CGNL1: variants seen among roughly 807,000 people sequenced by gnomAD.
The protein encoded by CGNL1 is cingulin like 1.
Under a neutral mutation model 141.2 loss-of-function variants are expected in CGNL1, and 132 were observed. The ratio of observed to expected loss-of-function variants is 0.93; its 90% CI spans 0.81 to 1.08. The LOEUF is 1.08. Among genes scored for constraint, CGNL1 ranks in the 50% least tolerant of loss-of-function variants. CGNL1 has a pLI of 0.00. For synonymous variants in CGNL1, 690 were observed against 622.1 expected (o/e 1.11, Z -1.63); for missense variants, 1,870 against 1,588.6 (o/e 1.18, Z -3.01).
intron 1 of CGNL1, among the ~76,000 whole-genome samples, chr15:57,383,292 C>CTTTTTTTTTTTTT (rs59213732): frequency 0.016 from 1,764 of 109,116 alleles, 99 homozygotes; most frequent in African/African-American, 0.062. Context: ...TTCTTTCTTC[C>CTTTTTTTTTTTTT]TTTTTTTTTT....
At chr15:57,478,463 A>G (rs1467561004) in intron 8 of CGNL1, 1 of 152,246 alleles carries the variant, frequency 6.6e-6, no homozygotes, top group Non-Finnish European at 1.5e-5. Flanking sequence ...CTCCTTCTGG[A>G]AGGCACTTTA....
intron 1 of CGNL1, among the ~76,000 whole-genome samples, chr15:57,436,783 A>G (rs958627998): frequency 1.3e-5 from 2 of 152,198 alleles, no homozygotes; most frequent in Non-Finnish European, 1.5e-5. Flanking sequence ...CTTTAGGGAA[A>G]CAATTTAAAA....
At chr15:57,385,053 C>G (rs1183809002) in intron 1 of CGNL1, among the ~76,000 whole-genome samples, 1 of 152,156 alleles carries the variant, frequency 6.6e-6, no homozygotes, top group Non-Finnish European at 1.5e-5. Flanking sequence ...ATCCCGACAC[C>G]CAGCTTGCAG....
chr15:57,394,281 G>A lies in CGNL1; in HGVS notation c.-16+17714G>A, dbSNP rs544353441. ...TGGGATTATAGGCATGTGCCATCAA[G>A]CCCAGCTAATTTTTTGTATTTTTAG... On this transcript the variant is annotated intron_variant, in intron 1 of 18. Transcript: ENST00000281282. 4.0e-5 allele frequency among the ~76,000 whole-genome samples: 6 copies of A among 151,812 alleles called. No homozygotes were observed. In the South Asian group the frequency reaches 1.3e-3, roughly 32 times the overall value.
intron 8 of CGNL1, among the ~76,000 whole-genome samples, chr15:57,483,369 AG>A (rs1328949280): frequency 2.6e-5 from 4 of 152,108 alleles, no homozygotes; most frequent in African/African-American, 7.2e-5. Context: ...GTTCATTGCT[AG>A]TATACAGAAA....
In CGNL1 at chr15:57,453,791, G is replaced by A. The variant is rs1395450470; in HGVS notation, c.2163G>A (p.Glu721=). The A allele has an allele frequency of 1.2e-6, 2 of 1,613,816 alleles. No individual in the cohort carries two copies. The highest frequency in any genetic ancestry group is 1.1e-5 in the South Asian group (1 of 91,064). Residue 721 remains glutamate (E), a synonymous_variant, in exon 7 of 19, where the codon GAG becomes GAA. Transcript: ENST00000281282. ...HDELDSAKRS[E]DREKGALIEE... ...AACTGGACAGTGCAAAGCGATCGGA[G>A]GACAGGGAGAAGGGAGCTCTGATTG...
At chr15:57,407,960 G>A (rs1875396296) in intron 1 of CGNL1, among the ~76,000 whole-genome samples, 1 of 151,838 alleles carries the variant, frequency 6.6e-6, no homozygotes, top group Non-Finnish European at 1.5e-5. Context: ...TGTTGGACAG[G>A]GTGGTCTTGA....
intron 4 of CGNL1, among the ~76,000 whole-genome samples, chr15:57,444,283 G>T (rs746356176): frequency 6.6e-6 from 1 of 151,850 alleles, no homozygotes; most frequent in Non-Finnish European, 1.5e-5. Context: ...GTTTTTTTTG[G>T]TATCGAAATG....
chr15:57,426,259 C>G (rs554789334), intron 1 of CGNL1, among the ~76,000 whole-genome samples: 2 of 152,134 alleles, frequency 1.3e-5, no homozygotes, highest in Non-Finnish European at 2.9e-5. Context: ...ATTCTCCTGC[C>G]TCAGCCTCCT....
chr15:57,432,617 C>T (rs1381623204), intron 1 of CGNL1, among the ~76,000 whole-genome samples: 5 of 152,142 alleles, frequency 3.3e-5, no homozygotes, highest in African/African-American at 4.8e-5. Context: ...GCTTAGTCCC[C>T]GACGGCGCAA....
rs150264508 is a variant in CGNL1 at position 57,459,404 on chromosome 15, A to C, written c.2191-2276A>C. ...AAAATATATAGAATGTAAAATAAAA[A>C]GTGTTAAGTACTGTGAGAAGAACAG... On this transcript the variant is annotated intron_variant, in intron 7 of 18. Coordinates refer to ENST00000281282, the MANE Select transcript of CGNL1 (RefSeq NM_032866.5). Among the ~76,000 whole-genome samples, 81 of 152,354 alleles carry C rather than the reference A, an allele frequency of 5.3e-4. No individual in the cohort carries two copies. In the East Asian group the frequency reaches 0.015, roughly 28 times the overall value.
chr15:57,437,332 T>C (rs1199466869), intron 1 of CGNL1, among the ~76,000 whole-genome samples: 1 of 152,182 alleles, frequency 6.6e-6, no homozygotes, highest in African/African-American at 2.4e-5. Context: ...TCATTTAATT[T>C]CACTGTCAGT....
At chr15:57,405,461 CT>C (rs1204474502) in intron 1 of CGNL1, among the ~76,000 whole-genome samples, 1 of 152,178 alleles carries the variant, frequency 6.6e-6, no homozygotes, top group African/African-American at 2.4e-5. Context: ...AAGATTTTCT[CT>C]TTCCAAACCT....
intron 16 of CGNL1, 39 bp from the exon 17 acceptor site, chr15:57,545,553 G>C: frequency 6.4e-7 from 1 of 1,572,564 alleles, no homozygotes; most frequent in African/African-American, 1.3e-5. Flanking sequence ...TGCAGGGATG[G>C]GAGTGAGAGG....
At chr15:57,461,056 C>T (rs762873976) in intron 7 of CGNL1, among the ~76,000 whole-genome samples, 5 of 152,008 alleles carry the variant, frequency 3.3e-5, no homozygotes, top group South Asian at 2.1e-4. Context: ...AAAGGAATGC[C>T]GAGCCTTTGG....
At chr15:57,536,935 T>C (rs1038521221) in intron 14 of CGNL1, among the ~76,000 whole-genome samples, 3 of 152,178 alleles carry the variant, frequency 2.0e-5, no homozygotes, top group Non-Finnish European at 4.4e-5. Flanking sequence ...CATTCCCAAG[T>C]TAAAAGTGGT....
chr15:57,507,178 T>C (rs1300464678), intron 8 of CGNL1, among the ~76,000 whole-genome samples: 1 of 152,240 alleles, frequency 6.6e-6, no homozygotes, highest in African/African-American at 2.4e-5. Flanking sequence ...ATACCATATG[T>C]CAAGACCTGA....
chr15:57,519,052 C>T (rs1210311852), intron 10 of CGNL1, among the ~76,000 whole-genome samples: 1 of 152,210 alleles, frequency 6.6e-6, no homozygotes, highest in African/African-American at 2.4e-5. Context: ...AAGTCATTTC[C>T]TTGAAACTGG....
At chr15:57,413,381 A>G (rs1373554847) in intron 1 of CGNL1, among the ~76,000 whole-genome samples, 1 of 151,332 alleles carries the variant, frequency 6.6e-6, no homozygotes, top group East Asian at 2.0e-4. Flanking sequence ...GGCTCAAGCC[A>G]TCCTCCGAGC....
Sources: gnomAD v4.1 joint callset for allele counts (sites outside exome capture counted in the v4.1 genomes callset) on GRCh38, gnomAD v4.1.1 for gene constraint, MANE v1.5 for transcripts, NCBI Gene and HGNC (gene_info 2026-07-23, HGNC 2026-07-21) for gene names.